The following KAZN variants were observed in gnomAD, a reference collection of about 807,000 sequenced individuals.
KAZN encodes kazrin.
In KAZN, 40 loss-of-function variants were observed where a neutral mutation model predicts 87.4. That is an observed-to-expected ratio of 0.46 (90% confidence interval 0.36 to 0.60). The LOEUF is 0.60. Ranked by LOEUF, KAZN falls within the 20% of genes least tolerant of loss-of-function variation. KAZN has a pLI of 0.00. For synonymous variants in KAZN, 466 were observed against 458.3 expected (o/e 1.02, Z -0.22); for missense variants, 898 against 1,073.9 (o/e 0.84, Z 2.29).
At chr1:14,374,331 C>T (rs1024451333) in intron 2 of KAZN, among the ~76,000 whole-genome samples, 1 of 152,200 alleles carries the variant, frequency 6.6e-6, no homozygotes, top group Non-Finnish European at 1.5e-5. Flanking sequence ...AACCCAAATC[C>T]TCCAAACTAT....
intron 2 of KAZN, among the ~76,000 whole-genome samples, chr1:14,974,040 C>G (rs1287633843): frequency 6.6e-6 from 1 of 152,064 alleles, no homozygotes; most frequent in East Asian, 1.9e-4. Flanking sequence ...TGGCTTCACT[C>G]ACATATCTGG....
intron 1 of KAZN, among the ~76,000 whole-genome samples, chr1:14,951,470 T>G (rs543777726): frequency 5.3e-5 from 8 of 152,144 alleles, no homozygotes; most frequent in African/African-American, 1.4e-4. Flanking sequence ...TTATTTTATT[T>G]ATTTATTCAT....
At chr1:14,342,213 T>C (rs575603636) in intron 2 of KAZN, among the ~76,000 whole-genome samples, 1 of 152,212 alleles carries the variant, frequency 6.6e-6, no homozygotes, top group Non-Finnish European at 1.5e-5. Flanking sequence ...ATGTGTACCA[T>C]ATTTTCTTTA....
chr1:14,399,507 C>G (rs1663202009), intron 2 of KAZN, among the ~76,000 whole-genome samples: 1 of 109,834 alleles, frequency 9.1e-6, no homozygotes, highest in African/African-American at 2.9e-5. Context: ...ATCTAGGACT[C>G]TCTCAGTAAC....
At chr1:14,474,868 G>T (rs1668633831) in intron 2 of KAZN, among the ~76,000 whole-genome samples, 1 of 152,082 alleles carries the variant, frequency 6.6e-6, no homozygotes, top group African/African-American at 2.4e-5. Context: ...AACAAAAATT[G>T]ATTATTTAAT....
chr1:13,943,223 C>CA (rs1277098083), intron 1 of KAZN, among the ~76,000 whole-genome samples: 1 of 152,134 alleles, frequency 6.6e-6, no homozygotes, highest in Non-Finnish European at 1.5e-5. Context: ...ATACTACTTT[C>CA]AAAAGAGCAA....
intron 3 of KAZN, among the ~76,000 whole-genome samples, chr1:15,041,053 C>T (rs926481898): frequency 1.3e-5 from 2 of 151,834 alleles, no homozygotes; most frequent in South Asian, 4.2e-4. Context: ...TGAGTTCAAG[C>T]GATTCTCGTG....
chr1:14,659,762 A>G (rs545057657), intron 1 of KAZN, among the ~76,000 whole-genome samples: 1 of 152,262 alleles, frequency 6.6e-6, no homozygotes, highest in South Asian at 2.1e-4. Context: ...TTTTCATATC[A>G]GGCAGGTCCT....
chr1:13,944,585 A>G (rs1242545161), intron 1 of KAZN, among the ~76,000 whole-genome samples: 1 of 152,240 alleles, frequency 6.6e-6, no homozygotes, highest in Non-Finnish European at 1.5e-5. Flanking sequence ...GCAGTAGCAC[A>G]AAGGCAGATG....
At chr1:14,353,100 C>T (rs1029326401) in intron 2 of KAZN, among the ~76,000 whole-genome samples, 4 of 151,920 alleles carry the variant, frequency 2.6e-5, no homozygotes, top group South Asian at 2.1e-4. Flanking sequence ...AAGTTGGAGA[C>T]GAGTCAAGGG....
chr1:14,449,216 T>C (rs1484709075), intron 2 of KAZN, among the ~76,000 whole-genome samples: 1 of 152,180 alleles, frequency 6.6e-6, no homozygotes, highest in Non-Finnish European at 1.5e-5. Context: ...GAGGACTTAG[T>C]CTCTCCTCCT....
rs901901731 is a variant in KAZN, at chr1:14,849,688, G to A, written c.227-110996G>A. Among the ~76,000 whole-genome samples the A allele has an allele frequency of 2.6e-5, 4 of 152,260 alleles. No homozygotes were observed. In the East Asian group the frequency reaches 5.8e-4, roughly 22 times the overall value. On this transcript the variant is annotated intron_variant, in intron 1 of 14. Transcript: ENST00000376030. ...AGAAAGGACACATTTAAGAGCTTGC[G>A]CTTTCTCTTTCAGGATGTTGATCCC...
intron 1 of KAZN, among the ~76,000 whole-genome samples, chr1:14,630,719 A>G (rs1051642825): frequency 2.0e-5 from 3 of 152,122 alleles, no homozygotes; most frequent in Non-Finnish European, 4.4e-5. Flanking sequence ...CCACAGTTCA[A>G]CAGTGTAGCC....
chr1:14,872,276 G>A (rs186097438), intron 1 of KAZN, among the ~76,000 whole-genome samples: 2 of 152,324 alleles, frequency 1.3e-5, no homozygotes, highest in East Asian at 3.9e-4. Context: ...GAGCAGTGCT[G>A]TCTGATAGAA....
intron 1 of KAZN, among the ~76,000 whole-genome samples, chr1:13,955,951 C>T (rs1641529823): frequency 2.0e-5 from 3 of 152,160 alleles, no homozygotes; most frequent in South Asian, 4.1e-4. Context: ...TTCTAAGAAA[C>T]GTCCTTCTAT....
At chr1:14,582,154 A>AAT (rs80215484) in intron 2 of KAZN, among the ~76,000 whole-genome samples, 1 of 151,964 alleles carries the variant, frequency 6.6e-6, no homozygotes, top group Non-Finnish European at 1.5e-5. Flanking sequence ...AGCAAAAAAA[A>AAT]CCTAAAGTTT....
intron 2 of KAZN, among the ~76,000 whole-genome samples, chr1:14,589,331 T>G (rs1431144145): frequency 6.8e-6 from 1 of 146,804 alleles, no homozygotes; most frequent in Non-Finnish European, 1.5e-5. Flanking sequence ...ACAAGGCAGG[T>G]AAAAAAAAAA....
chr1:14,012,785 C>T (rs559881955), intron 1 of KAZN, among the ~76,000 whole-genome samples: 12 of 152,300 alleles, frequency 7.9e-5, no homozygotes, highest in African/African-American at 2.4e-4. Context: ...GTGGAGATTG[C>T]ACCACTTCAT....
chr1:14,516,441 C>T (rs1671303431), intron 2 of KAZN, among the ~76,000 whole-genome samples: 1 of 152,238 alleles, frequency 6.6e-6, no homozygotes, highest in Non-Finnish European at 1.5e-5. Context: ...CCAGCATTTC[C>T]ATGCCCTTGA....
Sources: gnomAD v4.1 joint callset for allele counts (sites outside exome capture counted in the v4.1 genomes callset) on GRCh38, gnomAD v4.1.1 for gene constraint, MANE v1.5 for transcripts, NCBI Gene and HGNC (gene_info 2026-07-23, HGNC 2026-07-21) for gene names.